Variants in LCLAT1 observed in about 807,000 individuals in gnomAD.
LCLAT1 encodes 1-AGP acyltransferase 8.
A neutral mutation model predicts 30.7 loss-of-function variants in LCLAT1; 11 were observed. The observed-to-expected ratio is 0.36, with a 90% CI of 0.23 to 0.59. The LOEUF is 0.59. LCLAT1 is among the 20% of genes least tolerant of loss of function. The pLI is 0.77. For missense variants in LCLAT1, 402 were observed against 458.6 expected (o/e 0.88, Z 1.13); for synonymous variants, 155 against 151.3 (o/e 1.02, Z -0.18).
chr2:30,529,889 A>T (rs1685906207), intron 2 of LCLAT1, among the ~76,000 whole-genome samples: 1 of 152,214 alleles, frequency 6.6e-6, no homozygotes, highest in African/African-American at 2.4e-5. Flanking sequence ...AAAAGCAGAC[A>T]TGGAGATGAG....
intron 5 of LCLAT1, among the ~76,000 whole-genome samples, chr2:30,634,958 G>A (rs1668954226): frequency 6.6e-6 from 1 of 152,212 alleles, no homozygotes. Context: ...TGTGCCAGAG[G>A]CCATGGTGCC....
At chr2:30,556,987 G>A (rs1016953067) in intron 3 of LCLAT1, among the ~76,000 whole-genome samples, 5 of 151,886 alleles carry the variant, frequency 3.3e-5, no homozygotes, top group Admixed American at 6.6e-5. Flanking sequence ...CACGTGATCC[G>A]CCTGCGTCGG....
At chr2:30,458,375 T>C (rs898835177) in intron 1 of LCLAT1, among the ~76,000 whole-genome samples, 4 of 152,202 alleles carry the variant, frequency 2.6e-5, no homozygotes, top group Non-Finnish European at 4.4e-5. Context: ...TGGATCTTGA[T>C]AGACAGAAGG....
chr2:30,486,348 G>A (rs1683555007), intron 1 of LCLAT1, among the ~76,000 whole-genome samples: 1 of 152,164 alleles, frequency 6.6e-6, no homozygotes, highest in African/African-American at 2.4e-5. Context: ...TTATTAACAA[G>A]ATATGTACTT....
chr2:30,490,523 T>C (rs967795232), intron 1 of LCLAT1, among the ~76,000 whole-genome samples: 1 of 152,234 alleles, frequency 6.6e-6, no homozygotes, highest in East Asian at 1.9e-4. Flanking sequence ...AGGGGTTTGA[T>C]TGTAGGAAGG....
intron 1 of LCLAT1, among the ~76,000 whole-genome samples, chr2:30,520,493 G>T (rs896095099): frequency 6.6e-6 from 1 of 152,130 alleles, no homozygotes; most frequent in Non-Finnish European, 1.5e-5. Context: ...AAGTTACCTG[G>T]CTTAAAGTTC....
chr2:30,478,215 G>C (rs1683143246), intron 1 of LCLAT1, among the ~76,000 whole-genome samples: 1 of 152,152 alleles, frequency 6.6e-6, no homozygotes, highest in South Asian at 2.1e-4. Context: ...ATTCATAATG[G>C]TTAAAGACTG....
intron 1 of LCLAT1, among the ~76,000 whole-genome samples, chr2:30,453,202 T>C (rs1413686271): frequency 2.6e-5 from 4 of 152,174 alleles, no homozygotes; most frequent in African/African-American, 9.7e-5. Flanking sequence ...GTTGAGCTGG[T>C]ATCTACTGGT....
chr2:30,576,928 G>T lies in LCLAT1; in HGVS notation c.628+8752G>T, dbSNP rs572536538. ...ACAGTACTCATTTGCTGGAGTATAT[G>T]TGTGTACACATGCAAAACCAAATTC... On this transcript the variant is annotated intron_variant, in intron 5 of 5. Coordinates refer to ENST00000379509, the MANE Select transcript of LCLAT1 (RefSeq NM_001002257.3). 9.2e-5 allele frequency among the ~76,000 whole-genome samples: 14 copies of T among 151,852 alleles called. No homozygotes were observed. The South Asian group carries it at 2.9e-3, about 32-fold the overall frequency.
chr2:30,534,636 C>T (rs1328949120), intron 3 of LCLAT1, among the ~76,000 whole-genome samples: 1 of 152,148 alleles, frequency 6.6e-6, no homozygotes, highest in Non-Finnish European at 1.5e-5. Context: ...GCCACTTTTC[C>T]AATATAGTGA....
Position 30,494,526 on chromosome 2 carries a change from T to A in LCLAT1, c.-4-31061T>A, listed in dbSNP as rs536188699. ...GATATACAAAAATATAAACCTATAT[T>A]TTTGCATACATACATGCATACACAC... On this transcript the variant is annotated intron_variant, in intron 1 of 5. Transcript: ENST00000379509. 6.7e-5 allele frequency among the ~76,000 whole-genome samples: 10 copies of A among 148,988 alleles called. No individual in the cohort carries two copies. In the South Asian group the frequency reaches 2.1e-3, roughly 32 times the overall value.
chr2:30,636,395 C>T (rs1038925301), intron 5 of LCLAT1, among the ~76,000 whole-genome samples: 7 of 152,130 alleles, frequency 4.6e-5, no homozygotes, highest in Admixed American at 2.0e-4. Flanking sequence ...AAAAAGGGTA[C>T]AGCCTAGTAA....
At chr2:30,510,063 C>T (rs917445227) in intron 1 of LCLAT1, among the ~76,000 whole-genome samples, 2 of 152,174 alleles carry the variant, frequency 1.3e-5, no homozygotes, top group African/African-American at 4.8e-5. Flanking sequence ...GTGATAACAA[C>T]TTTCAGAGAG....
intron 1 of LCLAT1, among the ~76,000 whole-genome samples, chr2:30,500,584 G>A (rs6714637): frequency 0.04 from 6,053 of 152,222 alleles, 422 homozygotes; most frequent in African/African-American, 0.14. Context: ...CCTCTCTGCA[G>A]AAAAATACTT....
At chr2:30,627,148 T>G (rs1668548645) in intron 5 of LCLAT1, among the ~76,000 whole-genome samples, 1 of 152,164 alleles carries the variant, frequency 6.6e-6, no homozygotes, top group South Asian at 2.1e-4. Flanking sequence ...AAAGTGAGAC[T>G]TATTTTAATA....
At chr2:30,560,613 A>G (rs936696101) in intron 3 of LCLAT1, among the ~76,000 whole-genome samples, 5 of 152,166 alleles carry the variant, frequency 3.3e-5, no homozygotes, top group Admixed American at 2.6e-4. Flanking sequence ...CTGGGATTAC[A>G]GGCATGAGCC....
intron 3 of LCLAT1, among the ~76,000 whole-genome samples, chr2:30,560,694 G>GT (rs937814216): frequency 1.3e-5 from 2 of 152,084 alleles, no homozygotes; most frequent in African/African-American, 4.8e-5. Context: ...TATTATCAGG[G>GT]TTCTGTTGTA....
At chr2:30,457,577 T>A (rs1306967577) in intron 1 of LCLAT1, among the ~76,000 whole-genome samples, 1 of 152,232 alleles carries the variant, frequency 6.6e-6, no homozygotes, top group Non-Finnish European at 1.5e-5. Context: ...GTTTTTTATC[T>A]GTTAAGCAAA....
intron 1 of LCLAT1, among the ~76,000 whole-genome samples, chr2:30,517,813 T>G (rs1685258823): frequency 6.6e-6 from 1 of 152,154 alleles, no homozygotes; most frequent in Non-Finnish European, 1.5e-5. Flanking sequence ...AAGTGTACCC[T>G]ATTCCTTTAA....
Sources: gnomAD v4.1 joint callset for allele counts (sites outside exome capture counted in the v4.1 genomes callset) on GRCh38, gnomAD v4.1.1 for gene constraint, MANE v1.5 for transcripts, NCBI Gene and HGNC (gene_info 2026-07-23, HGNC 2026-07-21) for gene names.